The following RALB variants were observed in gnomAD, a reference collection of about 807,000 sequenced individuals.
RALB encodes the protein RAS like proto-oncogene B, also known as ras-related protein Ral-B.
A neutral mutation model predicts 21.3 loss-of-function variants in RALB; 16 were observed. The observed-to-expected ratio is 0.75, with a 90% confidence interval of 0.51 to 1.14. The LOEUF (loss-of-function observed/expected upper bound fraction) is 1.14, where lower values mean the gene tolerates loss of function less well. RALB is among the 50% of genes most tolerant of loss of function. RALB has a pLI of 0.00. For missense variants in RALB, 161 were observed against 256.2 expected, an observed-to-expected ratio of 0.63 and a Z score of 2.54; for synonymous variants, 93 against 96.1, an observed-to-expected ratio of 0.97 and a Z score of 0.19.
At chr2:120,291,147 G>A (rs772755831) in intron 4 of RALB, among the ~76,000 whole-genome samples, 2 of 152,118 alleles carry the variant, frequency 1.3e-5, no homozygotes, top group Non-Finnish European at 2.9e-5. Context: ...TGCTTTAGAC[G>A]CACTTCGGCA....
exon 1 of RALB, chr2:120,240,097 A>T (rs1369669219): frequency 7.8e-7 from 1 of 1,289,346 alleles, no homozygotes; most frequent in African/African-American, 1.5e-5. Flanking sequence ...TGGCAGGAGG[A>T]GGTCTCTGCA....
At chr2:120,285,631 T>C (rs1389396736) in intron 2 of RALB, among the ~76,000 whole-genome samples, 3 of 152,138 alleles carry the variant, frequency 2.0e-5, no homozygotes. Flanking sequence ...ATACTGACAA[T>C]AATATTGCCA....
chr2:120,275,876 C>T (rs1689780475), intron 1 of RALB, among the ~76,000 whole-genome samples: 1 of 152,264 alleles, frequency 6.6e-6, no homozygotes, highest in African/African-American at 2.4e-5. Context: ...GAGAACGGTT[C>T]TCTGCCACAG....
chr2:120,278,036 C>CTT (rs1553523674), intron 1 of RALB, among the ~76,000 whole-genome samples: 3 of 142,472 alleles, frequency 2.1e-5, no homozygotes, highest in Non-Finnish European at 4.6e-5. Flanking sequence ...AATGTGAGAG[C>CTT]GTGAGTGTGT....
intron 1 of RALB, among the ~76,000 whole-genome samples, chr2:120,275,898 G>A (rs972286372): frequency 1.2e-4 from 19 of 152,118 alleles, no homozygotes; most frequent in African/African-American, 4.6e-4. Context: ...GAGTAGTCCT[G>A]GAAAAAGGGT....
chr2:120,252,022 A>G (rs73948771), upstream of RALB, among the ~76,000 whole-genome samples: 2,981 of 152,252 alleles, frequency 0.02, 89 homozygotes, highest in African/African-American at 0.066. Context: ...ATTGCATAAG[A>G]GATAGTTCCC....
At chr2:120,262,171 G>C (rs1020985013) in intron 1 of RALB, among the ~76,000 whole-genome samples, 8 of 152,148 alleles carry the variant, frequency 5.3e-5, no homozygotes, top group Non-Finnish European at 5.9e-5. Context: ...TGAAGGACAG[G>C]CTATTATGGC....
intron 2 of RALB, among the ~76,000 whole-genome samples, chr2:120,279,701 G>C (rs1689937058): frequency 1.5e-5 from 2 of 137,538 alleles, no homozygotes; most frequent in African/African-American, 6.8e-5. Context: ...CTGTAGTACA[G>C]GCAGGGAGAG....
In RALB at chr2:120,240,259, C is replaced by T. The variant is rs1283038884; in HGVS notation, c.19+134C>T. 3 of 639,022 alleles carry T rather than the reference C, an allele frequency of 4.7e-6. No homozygotes were observed. In the African/African-American group the frequency reaches 6.1e-5, roughly 13 times the overall value. The allele number at this position is 639,022 out of a possible 1,614,324, so 39.6% of individuals were successfully genotyped here. On this transcript the variant is annotated intron_variant, in intron 1 of 3. Coordinates refer to the RALB transcript ENST00000447591. ...CTTGCCTGGGGTCACACAGCATGTA[C>T]TCATGGAGCTGCTACTTTTTTATTT...
At position 120,268,492 on chromosome 2, in the gene RALB, G is replaced by C. The variant is rs569573501; in HGVS notation, c.-47-10126G>C. ...CCTTGTCACCATCAGTCAATGAATG[G>C]CTAATCCGACCAGATGCCATGGCTT... On this transcript the variant is annotated intron_variant, in intron 1 of 4. Coordinates refer to ENST00000272519, the MANE Select transcript of RALB (RefSeq NM_002881.3). Among the ~76,000 whole-genome samples, 13 of 152,306 alleles carry C rather than the reference G, an allele frequency of 8.5e-5. No individual in the cohort carries two copies. The South Asian group carries it at 1.5e-3, about 17-fold the overall frequency.
rs140570077 is a variant in RALB at position 120,261,177 on chromosome 2, G to A, written c.-48+8197G>A. On this transcript the variant is annotated intron_variant, in intron 1 of 4. Coordinates refer to ENST00000272519, the MANE Select transcript of RALB (RefSeq NM_002881.3). ...ATATATGGGGGTCAAAGGCACACAC[G>A]CATGTGTGAATCTTTAGGGTGAAGA... Among the ~76,000 whole-genome samples the A allele has an allele frequency of 3.5e-4, 53 of 152,268 alleles. No individual in the cohort carries two copies. The East Asian group carries it at 9.5e-3, about 27-fold the overall frequency.
chr2:120,259,418 C>T (rs182250556), intron 1 of RALB, among the ~76,000 whole-genome samples: 74 of 152,302 alleles, frequency 4.9e-4, no homozygotes, highest in Non-Finnish European at 9.1e-4. Context: ...TTCTCCAGGG[C>T]CCCACCAGAG....
At chr2:120,266,358 C>T (rs934987182) in intron 1 of RALB, among the ~76,000 whole-genome samples, 7 of 152,214 alleles carry the variant, frequency 4.6e-5, no homozygotes, top group Non-Finnish European at 8.8e-5. Context: ...GATTATCCTG[C>T]CTCAGCCTCC....
chr2:120,275,094 C>T (rs533686209), intron 1 of RALB, among the ~76,000 whole-genome samples: 1 of 152,276 alleles, frequency 6.6e-6, no homozygotes, highest in African/African-American at 2.4e-5. Context: ...TATAGGTTTT[C>T]AGGGGAGAAT....
chr2:120,277,425 G>C (rs1424645794), intron 1 of RALB, among the ~76,000 whole-genome samples: 1 of 150,990 alleles, frequency 6.6e-6, no homozygotes, highest in African/African-American at 2.4e-5. Context: ...GTGCATGTTA[G>C]AGCCTCTGAG....
chr2:120,273,263 T>C (rs1469902177), intron 1 of RALB, among the ~76,000 whole-genome samples: 2 of 151,556 alleles, frequency 1.3e-5, no homozygotes, highest in Non-Finnish European at 2.9e-5. Context: ...GATGCAACTA[T>C]AGGGGTGTAG....
intron 2 of RALB, among the ~76,000 whole-genome samples, chr2:120,279,608 T>G (rs2104639444): frequency 6.6e-6 from 1 of 152,324 alleles, no homozygotes; most frequent in African/African-American, 2.4e-5. Context: ...CTGTGCCATT[T>G]TAAGTAAAGG....
intron 2 of RALB, among the ~76,000 whole-genome samples, chr2:120,283,870 A>G (rs1690056955): frequency 6.6e-6 from 1 of 152,222 alleles, no homozygotes; most frequent in Admixed American, 6.5e-5. Flanking sequence ...CAGCTGAGCA[A>G]TGTAAATAAA....
At chr2:120,247,411 T>C (rs1688989216) in intron 1 of RALB, among the ~76,000 whole-genome samples, 1 of 152,216 alleles carries the variant, frequency 6.6e-6, no homozygotes, top group Non-Finnish European at 1.5e-5. Flanking sequence ...GCAAATGACT[T>C]GGGCCTCTGA....
Sources: gnomAD v4.1 joint callset for allele counts (sites outside exome capture counted in the v4.1 genomes callset) on GRCh38, gnomAD v4.1.1 for gene constraint, MANE v1.5 for transcripts, NCBI Gene and HGNC (gene_info 2026-07-23, HGNC 2026-07-21) for gene names.